The following GRM1 variants were observed in gnomAD, a reference collection of about 807,000 sequenced individuals.
GRM1 encodes glutamate metabotropic receptor 1.
A neutral mutation model predicts 90.9 loss-of-function variants in GRM1; 33 were observed. The observed-to-expected ratio is 0.36, with a 90% CI of 0.28 to 0.49. GRM1 has a LOEUF of 0.49. Among genes scored for constraint, GRM1 ranks in the 20% least tolerant of loss-of-function variants. The pLI, the probability that GRM1 is intolerant of heterozygous loss-of-function variation, is 0.99. For missense variants in GRM1, 1,190 were observed against 1,534.3 expected (o/e 0.78, Z 3.75); for synonymous variants, 700 against 613.2 (o/e 1.14, Z -2.09).
intron 1 of GRM1, among the ~76,000 whole-genome samples, chr6:146,112,247 T>C (rs1775586590): frequency 6.6e-6 from 1 of 151,574 alleles, no homozygotes; most frequent in African/African-American, 2.4e-5. Flanking sequence ...TAATTACCAT[T>C]CTGGAATAAC....
At chr6:146,113,605 G>A (rs1275423302) in intron 1 of GRM1, among the ~76,000 whole-genome samples, 5 of 152,090 alleles carry the variant, frequency 3.3e-5, no homozygotes, top group South Asian at 2.1e-4. Context: ...GCAGTACAGC[G>A]TTTTTTGAAG....
chr6:146,412,389 G>A (rs59545596), intron 7 of GRM1, among the ~76,000 whole-genome samples: 3,975 of 152,192 alleles, frequency 0.026, 179 homozygotes, highest in African/African-American at 0.087. Context: ...CCCTTCATTA[G>A]GAATGTGCAG....
intron 2 of GRM1, among the ~76,000 whole-genome samples, chr6:146,242,400 T>C (rs1780897816): frequency 1.3e-5 from 2 of 152,082 alleles, no homozygotes; most frequent in South Asian, 4.1e-4. Context: ...GGACCAGATG[T>C]TGAGGATTTT....
chr6:146,057,657 A>G (rs1361238180), intron 1 of GRM1, among the ~76,000 whole-genome samples: 2 of 152,094 alleles, frequency 1.3e-5, no homozygotes, highest in African/African-American at 4.8e-5. Context: ...AAAGAATTGC[A>G]TAATTCTTTG....
Position 146,029,404 on chromosome 6 carries a change from G to A in GRM1, c.-114G>A. ...GCCTTGGACGACCATTGTTGGCGAGGGGCACCACTCCGGGAGAGGCGGCGC... is the reference window on the plus strand; with the variant it reads ...GCCTTGGACGACCATTGTTGGCGAGAGGCACCACTCCGGGAGAGGCGGCGC... On this transcript the variant is annotated 5_prime_UTR_variant, in exon 1 of 8. Coordinates refer to ENST00000282753, the MANE Select transcript of GRM1 (RefSeq NM_001278064.2). 1 of 842,334 alleles carries A rather than the reference G, an allele frequency of 1.2e-6. No homozygotes were observed. The highest frequency in any genetic ancestry group is 2.1e-6 in the Non-Finnish European group (1 of 483,736). The allele number at this position is 842,334 out of a possible 1,614,324, so 52.2% of individuals were successfully genotyped here. A position where few individuals can be genotyped will look rare whatever the true frequency, so the allele number is the denominator to read the frequency against.
chr6:146,102,422 C>G (rs1777081509), intron 1 of GRM1, among the ~76,000 whole-genome samples: 1 of 152,204 alleles, frequency 6.6e-6, no homozygotes, highest in African/African-American at 2.4e-5. Flanking sequence ...AAATCTTTTT[C>G]TCCTAAACTT....
At chr6:146,369,861 C>A (rs947982351) in intron 5 of GRM1, among the ~76,000 whole-genome samples, 1 of 151,886 alleles carries the variant, frequency 6.6e-6, no homozygotes, top group African/African-American at 2.4e-5. Flanking sequence ...TGTAATTTAA[C>A]TCCAATGTTT....
rs1778527749 is a variant in GRM1 at position 146,434,487 on chromosome 6, G to A, written c.3276G>A (p.Pro1092=). 6.2e-7 allele frequency: 1 copy of A among 1,614,036 alleles called. No individual in the cohort carries two copies. The highest frequency in any genetic ancestry group is 8.5e-7 in the Non-Finnish European group (1 of 1,180,000). ...LSTFGEELVS[P]PADDDDDSER... ...CCTTTGGGGAGGAGCTGGTCTCCCC[G>A]CCCGCGGACGACGACGACGACAGCG... The change falls in exon 8 of 8, where the codon CCG becomes CCA. Residue 1092 remains proline (P), a synonymous_variant. Coordinates refer to ENST00000282753, the MANE Select transcript of GRM1 (RefSeq NM_001278064.2).
chr6:146,155,127 G>A (rs570285825), intron 1 of GRM1, among the ~76,000 whole-genome samples: 3 of 151,978 alleles, frequency 2.0e-5, no homozygotes, highest in East Asian at 1.9e-4. Context: ...ATATTTTCTC[G>A]TGGAGATTAC....
chr6:146,200,003 C>A (rs1779249218), intron 2 of GRM1, among the ~76,000 whole-genome samples: 1 of 152,122 alleles, frequency 6.6e-6, no homozygotes, highest in Non-Finnish European at 1.5e-5. Context: ...TGTACTACAT[C>A]AGCAAACTTT....
At chr6:146,355,538 A>C (rs1363424478) in intron 4 of GRM1, among the ~76,000 whole-genome samples, 1 of 152,120 alleles carries the variant, frequency 6.6e-6, no homozygotes, top group African/African-American at 2.4e-5. Context: ...GGGGACAACT[A>C]TTTGTAGAAA....
Position 146,399,267 on chromosome 6 carries a change from A to T in GRM1, c.2228A>T (p.Tyr743Phe). 1 of 1,614,040 alleles carries T rather than the reference A, an allele frequency of 6.2e-7. No individual in the cohort carries two copies. The change falls in exon 7 of 8, where the codon TAC (tyrosine) becomes TTC (phenylalanine). Residue 743 changes from tyrosine (Y) to phenylalanine (F), a missense_variant. This residue lies in a region of GRM1 where 414 missense variants were observed against 598.4 expected (regional missense o/e 0.69). Transcript: ENST00000282753. The surrounding 1 kb of genome is among the most constrained non-coding windows in gnomAD (Gnocchi z 5.4). Reference sequence around the variant, plus strand: ...TCCTACCCAAGTATCAAGGAAGTCTACCTTATCTGCAATACCAGCAACCTG... The same window carrying T: ...TCCTACCCAAGTATCAAGGAAGTCTTCCTTATCTGCAATACCAGCAACCTG... ...ILSYPSIKEV[Y>F]LICNTSNLGV...
intron 2 of GRM1, among the ~76,000 whole-genome samples, chr6:146,303,070 T>G (rs1362212531): frequency 6.6e-6 from 1 of 152,162 alleles, no homozygotes; most frequent in East Asian, 1.9e-4. Flanking sequence ...CAGCTATACC[T>G]TCAGCAACCC....
chr6:146,386,337 A>G (rs531889179), intron 5 of GRM1, among the ~76,000 whole-genome samples: 25 of 152,204 alleles, frequency 1.6e-4, no homozygotes, highest in African/African-American at 5.8e-4. Context: ...TTCACTAGAG[A>G]AAGTCAGGCA....
intron 2 of GRM1, among the ~76,000 whole-genome samples, chr6:146,290,315 A>G (rs954475448): frequency 6.6e-6 from 1 of 152,174 alleles, no homozygotes; most frequent in African/African-American, 2.4e-5. Context: ...CATTTTCTTG[A>G]CGTACACAAG....
At chr6:146,176,971 G>T (rs570167652) in intron 2 of GRM1, among the ~76,000 whole-genome samples, 2 of 152,144 alleles carry the variant, frequency 1.3e-5, no homozygotes, top group East Asian at 3.9e-4. Context: ...CCTTTATGAA[G>T]AAAATGGAAT....
At chr6:146,202,118 AT>A (rs1425370112) in intron 2 of GRM1, among the ~76,000 whole-genome samples, 1 of 152,200 alleles carries the variant, frequency 6.6e-6, no homozygotes, top group East Asian at 1.9e-4. Flanking sequence ...CACTCCATAA[AT>A]ATATATTATT....
intron 5 of GRM1, among the ~76,000 whole-genome samples, chr6:146,368,798 C>T (rs1345034765): frequency 6.6e-6 from 1 of 151,918 alleles, no homozygotes; most frequent in Non-Finnish European, 1.5e-5. Flanking sequence ...GGGATATTGG[C>T]TTGTAGCTTT....
intron 2 of GRM1, among the ~76,000 whole-genome samples, chr6:146,172,815 G>A (rs1363525139): frequency 6.6e-6 from 1 of 152,042 alleles, no homozygotes; most frequent in Non-Finnish European, 1.5e-5. Flanking sequence ...CATATTTAAT[G>A]GCATTTGGAT....
Sources: allele counts gnomAD v4.1 joint callset (sites outside exome capture counted in the v4.1 genomes callset), GRCh38; gene constraint gnomAD v4.1.1; regional missense constraint gnomAD v4.1.1; non-coding constraint Gnocchi (gnomAD v3.1); transcripts MANE v1.5; gene names NCBI Gene and HGNC (gene_info 2026-07-23, HGNC 2026-07-21).